KSR2: variants seen among roughly 807,000 people sequenced by gnomAD.
KSR2 encodes the protein kinase suppressor of ras 2.
KSR2 carries 25 observed loss-of-function variants against 107.8 expected under a neutral mutation model. The observed-to-expected ratio is 0.23, with a 90% CI of 0.17 to 0.32. KSR2 has a LOEUF of 0.32. KSR2 is among the 10% of genes least tolerant of loss of function. KSR2 has a pLI of 1.00. For synonymous variants in KSR2, 480 were observed against 507.0 expected, an observed-to-expected ratio of 0.95 and a Z score of 0.71; for missense variants, 887 against 1,268.9, an observed-to-expected ratio of 0.70 and a Z score of 4.57.
chr12:117,792,782 T>C (rs1890301196), intron 3 of KSR2, among the ~76,000 whole-genome samples: 2 of 152,224 alleles, frequency 1.3e-5, no homozygotes, highest in Admixed American at 1.3e-4. Context: ...GTTATTTTGA[T>C]GTGGGGTGCG....
intron 9 of KSR2, among the ~76,000 whole-genome samples, chr12:117,542,965 A>C (rs1391126966): frequency 1.3e-5 from 2 of 152,026 alleles, no homozygotes; most frequent in Non-Finnish European, 2.9e-5. Flanking sequence ...CTTCCTTTTG[A>C]CTGATTGCTG....
intron 4 of KSR2, among the ~76,000 whole-genome samples, chr12:117,685,211 C>G (rs1156665569): frequency 1.3e-5 from 2 of 152,210 alleles, no homozygotes; most frequent in Admixed American, 6.5e-5. Flanking sequence ...GTGTTGGCGT[C>G]CAGGCCCGTT....
Position 117,456,808 on chromosome 12 carries a change from G to A in KSR2, c.*10391C>T, listed in dbSNP as rs1166731522. The A allele has an allele frequency of 6.6e-6, 1 of 152,232 alleles. No homozygotes were observed. Among genetic ancestry groups the A allele is most frequent in the Non-Finnish European group, 1.5e-5 (1 of 68,086 alleles). The allele number at this position is 152,232 out of a possible 1,614,324, so 9.4% of individuals were successfully genotyped here. A position where few individuals can be genotyped will look rare whatever the true frequency, so the allele number is the denominator to read the frequency against. On this transcript the variant is annotated 3_prime_UTR_variant, in exon 20 of 20. Transcript: ENST00000339824. The stretch of plus-strand genomic sequence containing the variant: ...CTCCATGCCCAAATCAGTCACACGG[G>A]ACTGGACAGAACTGCCACATCTTGT...
At chr12:117,834,681 G>A (rs1443033174) in intron 3 of KSR2, among the ~76,000 whole-genome samples, 1 of 152,168 alleles carries the variant, frequency 6.6e-6, no homozygotes, top group Non-Finnish European at 1.5e-5. Context: ...CAGCCCCTGT[G>A]CTTCCCCAGC....
At chr12:117,694,077 GA>G (rs1239252668) in intron 4 of KSR2, among the ~76,000 whole-genome samples, 3 of 152,154 alleles carry the variant, frequency 2.0e-5, no homozygotes, top group Admixed American at 1.3e-4. Flanking sequence ...GGAGAAACAG[GA>G]ACCCCACTGC....
rs1040790673 is a variant in KSR2 at position 117,454,653 on chromosome 12, C to T, written c.*12546G>A. The T allele has an allele frequency of 6.6e-6, 1 of 152,212 alleles. No individual in the cohort carries two copies. The highest frequency in any genetic ancestry group is 1.5e-5 in the Non-Finnish European group (1 of 68,048). 9.4% of individuals were successfully genotyped at this position (152,212 alleles called of 1,614,324 possible). A position where few individuals can be genotyped will look rare whatever the true frequency, so the allele number is the denominator to read the frequency against. ...TACCTGAAATGTTTAGTTAGAGACC[C>T]TCAGTGTAGGGTCTTTCCATAAATA... On this transcript the variant is annotated 3_prime_UTR_variant, in exon 20 of 20. Coordinates refer to ENST00000339824, the MANE Select transcript of KSR2 (RefSeq NM_173598.6).
rs187776421 is a variant in KSR2 at position 117,672,753 on chromosome 12, T to A, written c.987-5095A>T. 3.2e-3 allele frequency among the ~76,000 whole-genome samples: 491 copies of A among 152,278 alleles called. 3 individuals are homozygous for A. Among genetic ancestry groups the A allele is most frequent in the African/African-American group, 0.011 (474 of 41,576 alleles). ...GATTCTCCTGCCTCAGCCTCCCAAGTAGCTGGGACTATGGGCGTGTGCCAC... is the reference window on the plus strand; with the variant it reads ...GATTCTCCTGCCTCAGCCTCCCAAGAAGCTGGGACTATGGGCGTGTGCCAC... On this transcript the variant is annotated intron_variant, in intron 4 of 19. Coordinates refer to ENST00000339824, the MANE Select transcript of KSR2 (RefSeq NM_173598.6).
At chr12:117,577,954 G>T (rs915094563) in intron 7 of KSR2, among the ~76,000 whole-genome samples, 1 of 152,192 alleles carries the variant, frequency 6.6e-6, no homozygotes, top group African/African-American at 2.4e-5. Context: ...AAGTAGCAGA[G>T]CCAGGATTTA....
At chr12:117,636,085 C>A (rs1407169173) in intron 5 of KSR2, among the ~76,000 whole-genome samples, 2 of 152,110 alleles carry the variant, frequency 1.3e-5, no homozygotes, top group East Asian at 3.9e-4. Context: ...AGCCAGGGCA[C>A]CTGGCCAGTA....
intron 3 of KSR2, among the ~76,000 whole-genome samples, chr12:117,768,910 C>G (rs1889340182): frequency 6.6e-6 from 1 of 152,202 alleles, no homozygotes; most frequent in Non-Finnish European, 1.5e-5. Flanking sequence ...GGGTTTGGGT[C>G]TTCACCTGAC....
At chr12:117,709,949 C>G (rs976240208) in intron 4 of KSR2, among the ~76,000 whole-genome samples, 19 of 124,860 alleles carry the variant, frequency 1.5e-4, no homozygotes, top group African/African-American at 5.7e-4. Context: ...ACTAAGCGCA[C>G]TTGATTGTAA....
chr12:117,484,465 T>C lies in KSR2; in HGVS notation c.2401A>G (p.Ile801Val). The C allele has an allele frequency of 6.2e-7, 1 of 1,614,032 alleles. No homozygotes were observed. The highest frequency in any genetic ancestry group is 2.2e-5 in the East Asian group (1 of 44,880). The change falls in exon 16 of 20, where the codon ATC becomes GTC. Residue 801 changes from isoleucine (I) to valine (V), a missense_variant. This residue lies in a region of KSR2 where 308 missense variants were observed against 506.2 expected (regional missense o/e 0.61). Transcript: ENST00000339824. ...NVFYDNGKVV[I>V]TDFGLFSISG... The stretch of plus-strand genomic sequence containing the variant: ...ATGCTGAAGAGTCCAAAGTCCGTGA[T>C]GACCACTTTGCCGTTGTCATAGAAG...
intron 4 of KSR2, among the ~76,000 whole-genome samples, chr12:117,735,206 T>C (rs1248754213): frequency 4.6e-5 from 7 of 152,180 alleles, no homozygotes; most frequent in African/African-American, 1.7e-4. Context: ...TTTATCACAC[T>C]AAAGGTTCAT....
At chr12:117,928,915 A>T (rs1265587656) in intron 1 of KSR2, among the ~76,000 whole-genome samples, 2 of 152,196 alleles carry the variant, frequency 1.3e-5, no homozygotes, top group African/African-American at 2.4e-5. Context: ...TTGAACTCAG[A>T]TCTGGTAGAC....
intron 1 of KSR2, among the ~76,000 whole-genome samples, chr12:117,929,629 G>C (rs1895641758): frequency 6.6e-6 from 1 of 152,190 alleles, no homozygotes; most frequent in Non-Finnish European, 1.5e-5. Context: ...GTAGACGAAT[G>C]GATAAATGAA....
chr12:117,858,155 A>T (rs553167860), intron 2 of KSR2, among the ~76,000 whole-genome samples: 2 of 152,190 alleles, frequency 1.3e-5, no homozygotes, highest in Non-Finnish European at 2.9e-5. Context: ...ACATCATATT[A>T]ACCAAACAAC....
At chr12:117,701,735 G>T (rs500037) in intron 4 of KSR2, among the ~76,000 whole-genome samples, 66,888 of 151,954 alleles carry the variant, frequency 0.44, 16,199 homozygotes, top group Non-Finnish European at 0.54. Context: ...ACACAGAACA[G>T]AGAAGAAGGC....
intron 4 of KSR2, among the ~76,000 whole-genome samples, chr12:117,701,964 T>C (rs1886343846): frequency 6.6e-6 from 1 of 152,206 alleles, no homozygotes; most frequent in South Asian, 2.1e-4. Flanking sequence ...TGGGGTAATT[T>C]GTTATAGGAG....
intron 14 of KSR2, among the ~76,000 whole-genome samples, chr12:117,514,837 C>T (rs560691254): frequency 5.9e-5 from 9 of 152,126 alleles, no homozygotes; most frequent in Non-Finnish European, 1.2e-4. Flanking sequence ...TGTGAGCCAC[C>T]GCACCCGGTC....
Sources: gnomAD v4.1 joint callset for allele counts (sites outside exome capture counted in the v4.1 genomes callset) on GRCh38, gnomAD v4.1.1 for gene constraint, gnomAD v4.1.1 regional missense constraint, MANE v1.5 for transcripts, NCBI Gene and HGNC (gene_info 2026-07-23, HGNC 2026-07-21) for gene names.